Variants in THRB observed in about 807,000 individuals in gnomAD.
THRB encodes thyroid hormone receptor beta, also known as nuclear receptor subfamily 1 group A member 2.
Under a neutral mutation model 47.8 loss-of-function variants are expected in THRB, and 12 were observed. The ratio of observed to expected loss-of-function variants is 0.25; its 90% CI spans 0.16 to 0.41. The LOEUF (loss-of-function observed/expected upper bound fraction) is 0.41, where lower values mean the gene tolerates loss of function less well. Ranked by LOEUF, THRB falls within the 10% of genes least tolerant of loss-of-function variation. THRB has a pLI of 1.00. For missense variants in THRB, 348 were observed against 589.2 expected, an observed-to-expected ratio of 0.59 and a Z score of 4.24; for synonymous variants, 218 against 212.2, an observed-to-expected ratio of 1.03 and a Z score of -0.24.
In THRB at chr3:24,352,620, G is replaced by A. The variant is rs574367173; in HGVS notation, c.-260-15249C>T. On this transcript the variant is annotated intron_variant, in intron 1 of 10. Coordinates refer to ENST00000646209, the MANE Select transcript of THRB (RefSeq NM_001354712.2). ...GTGGTTGGTTTTAAAAGGTCTTTGC[G>A]CAGCCATTCAAACTCAAACCTACAA... Among the ~76,000 whole-genome samples, 31 of 152,204 alleles carry A rather than the reference G, an allele frequency of 2.0e-4. 1 individual carries two copies. The South Asian group carries it at 2.1e-3, about 10-fold the overall frequency.
Position 24,433,098 on chromosome 3 carries a change from C to G in THRB, c.-261+61554G>C, listed in dbSNP as rs967826. ...AATGACTCTGCTTCTCAATAACTAC[C>G]TAACTCTGTGGAATTTACTTAATCT... On this transcript the variant is annotated intron_variant, in intron 1 of 10. Coordinates refer to ENST00000646209, the MANE Select transcript of THRB (RefSeq NM_001354712.2). Among the ~76,000 whole-genome samples the G allele has an allele frequency of 4.2e-3, 638 of 152,116 alleles. 4 individuals carry two copies. The highest frequency in any genetic ancestry group is 0.015 in the African/African-American group (618 of 41,506).
At chr3:24,289,412 A>G (rs1017182375) in intron 3 of THRB, among the ~76,000 whole-genome samples, 9 of 152,328 alleles carry the variant, frequency 5.9e-5, no homozygotes, top group East Asian at 3.9e-4. Context: ...AAAAATGGCA[A>G]TTTTATATAG....
chr3:24,230,757 G>GA (rs1353272720), intron 3 of THRB, among the ~76,000 whole-genome samples: 3 of 152,182 alleles, frequency 2.0e-5, no homozygotes, highest in Non-Finnish European at 4.4e-5. Flanking sequence ...AACTTGGCTT[G>GA]GACTGTGCCC....
intron 3 of THRB, among the ~76,000 whole-genome samples, chr3:24,290,217 T>C (rs764251338): frequency 2.0e-5 from 3 of 152,096 alleles, no homozygotes; most frequent in Non-Finnish European, 4.4e-5. Context: ...TCTTTTGAGA[T>C]ATGAAGGGGT....
intron 1 of THRB, among the ~76,000 whole-genome samples, chr3:24,344,377 A>T (rs1162587312): frequency 6.6e-6 from 1 of 152,106 alleles, no homozygotes; most frequent in Non-Finnish European, 1.5e-5. Flanking sequence ...TTCAACATAG[A>T]ACCACAATAA....
chr3:24,478,842 T>C (rs1233430068), intron 1 of THRB, among the ~76,000 whole-genome samples: 2 of 152,080 alleles, frequency 1.3e-5, no homozygotes, highest in African/African-American at 4.8e-5. Context: ...GATTAAGAGG[T>C]AGAACTAAAG....
chr3:24,190,137 C>A lies in THRB; in HGVS notation c.220G>T (p.Asp74Tyr), dbSNP rs767041112. 1 of 1,614,086 alleles carries A rather than the reference C, an allele frequency of 6.2e-7. No individual in the cohort carries two copies. Among genetic ancestry groups the A allele is most frequent in the South Asian group, 1.1e-5 (1 of 91,084 alleles). ...CTTGAGACACTCTGGTCGTTCACATCATCATGGTCCAGATGGAATATTGAG... is the reference window on the plus strand; with the variant it reads ...CTTGAGACACTCTGGTCGTTCACATAATCATGGTCCAGATGGAATATTGAG... Reference protein sequence around the residue: ...TSSIFHLDHDDVNDQSVSSAQ... With the variant: ...TSSIFHLDHDYVNDQSVSSAQ... The change falls in exon 5 of 11, where the codon GAT (aspartate) becomes TAT (tyrosine). Residue 74 changes from aspartate to tyrosine, a missense_variant. Transcript: ENST00000646209.
chr3:24,309,617 TCTTA>T (rs1281985425), intron 2 of THRB, among the ~76,000 whole-genome samples: 1 of 152,238 alleles, frequency 6.6e-6, no homozygotes, highest in African/African-American at 2.4e-5. Flanking sequence ...ATTAATAATG[TCTTA>T]CTAAGTTCAT....
At chr3:24,186,189 A>G (rs2042551268) in intron 5 of THRB, among the ~76,000 whole-genome samples, 2 of 152,176 alleles carry the variant, frequency 1.3e-5, no homozygotes, top group South Asian at 4.2e-4. Context: ...TGGCAAGAAC[A>G]TAGAAGGCTG....
intron 2 of THRB, among the ~76,000 whole-genome samples, chr3:24,315,673 A>G (rs528756727): frequency 6.6e-6 from 1 of 152,296 alleles, no homozygotes; most frequent in African/African-American, 2.4e-5. Context: ...GGCTGCCTGG[A>G]CAGCTAACAC....
chr3:24,375,265 A>G (rs2065184485), intron 1 of THRB, among the ~76,000 whole-genome samples: 1 of 149,590 alleles, frequency 6.7e-6, no homozygotes, highest in Admixed American at 6.7e-5. Context: ...AAAACACTTC[A>G]TGTTCAAACA....
At position 24,318,262 on chromosome 3, in the gene THRB, T is replaced by C. The variant is rs9835859; in HGVS notation, c.-189+19038A>G. The C allele has an allele frequency of 0.047, 7,203 of 152,320 alleles. 393 individuals are homozygous for C. The highest frequency in any genetic ancestry group is 0.13 in the African/African-American group (5,537 of 41,522). The allele number at this position is 152,320 out of a possible 1,614,324, so 9.4% of individuals were successfully genotyped here. On this transcript the variant is annotated intron_variant, in intron 2 of 10. Transcript: ENST00000646209. ...AGTACATCCTTCATGATCAGCCCTG[T>C]ACACATCCTGGCTGTATCTTTTGCA...
intron 1 of THRB, among the ~76,000 whole-genome samples, chr3:24,360,239 A>G (rs2063967893): frequency 6.6e-6 from 1 of 152,108 alleles, no homozygotes; most frequent in Non-Finnish European, 1.5e-5. Flanking sequence ...TGTTATGCTG[A>G]TTTTTAAGCC....
intron 1 of THRB, among the ~76,000 whole-genome samples, chr3:24,481,078 G>A (rs1696280489): frequency 6.6e-6 from 1 of 152,162 alleles, no homozygotes; most frequent in Non-Finnish European, 1.5e-5. Flanking sequence ...TCTTAAGCAA[G>A]TTTCCTTACA....
chr3:24,264,519 C>A (rs912478534), intron 3 of THRB, among the ~76,000 whole-genome samples: 3 of 109,886 alleles, frequency 2.7e-5, no homozygotes, highest in Non-Finnish European at 5.9e-5. Context: ...TCCCAGCTGA[C>A]AATGCGTAAA....
chr3:24,466,790 T>G (rs1303984737), intron 1 of THRB, among the ~76,000 whole-genome samples: 1 of 152,224 alleles, frequency 6.6e-6, no homozygotes, highest in Non-Finnish European at 1.5e-5. Flanking sequence ...TATCTGAGCC[T>G]TTAGTGAGTC....
intron 5 of THRB, among the ~76,000 whole-genome samples, chr3:24,180,151 T>A (rs2041707930): frequency 6.8e-6 from 1 of 146,358 alleles, no homozygotes; most frequent in East Asian, 2.0e-4. Context: ...TAGTTTTATA[T>A]CTTAGTCTTA....
intron 1 of THRB, among the ~76,000 whole-genome samples, chr3:24,416,297 G>C (rs116167988): frequency 6.6e-6 from 1 of 151,894 alleles, no homozygotes; most frequent in South Asian, 2.1e-4. Context: ...AAGGCACACA[G>C]AATAGAATAC....
intron 5 of THRB, among the ~76,000 whole-genome samples, chr3:24,183,415 G>A (rs2149495340): frequency 7.4e-6 from 1 of 135,640 alleles, no homozygotes; most frequent in Admixed American, 8.2e-5. Flanking sequence ...CGCCCAGGCT[G>A]GAGTGCAATG....
Sources: allele counts gnomAD v4.1 joint callset (sites outside exome capture counted in the v4.1 genomes callset), GRCh38; gene constraint gnomAD v4.1.1; transcripts MANE v1.5; gene names NCBI Gene and HGNC (gene_info 2026-07-23, HGNC 2026-07-21).